Variants in FAM171A1 observed in about 807,000 individuals in gnomAD.
FAM171A1 encodes family with sequence similarity 171 member A1.
FAM171A1 carries 23 observed loss-of-function variants against 74.9 expected under a neutral mutation model. The ratio of observed to expected loss-of-function variants is 0.31; its 90% confidence interval spans 0.22 to 0.44. The LOEUF (loss-of-function observed/expected upper bound fraction) is 0.44, where lower values mean the gene tolerates loss of function less well. Among genes scored for constraint, FAM171A1 ranks in the 20% least tolerant of loss-of-function variants. The pLI is 1.00. For synonymous variants in FAM171A1, 527 were observed against 505.7 expected (o/e 1.04, Z -0.57); for missense variants, 1,162 against 1,159.2 (o/e 1.00, Z -0.03).
intron 1 of FAM171A1, among the ~76,000 whole-genome samples, chr10:15,336,892 T>G (rs1564283636): frequency 7.0e-6 from 1 of 142,514 alleles, no homozygotes; most frequent in African/African-American, 2.5e-5. Flanking sequence ...GTACCATGAA[T>G]TTTCTTTCTT....
chr10:15,349,414 A>G (rs1047317561), intron 1 of FAM171A1, among the ~76,000 whole-genome samples: 8 of 152,216 alleles, frequency 5.3e-5, no homozygotes, highest in African/African-American at 1.9e-4. Flanking sequence ...GAATCGATGA[A>G]TATCACTTAA....
At chr10:15,232,830 T>TC (rs1834224930) in intron 5 of FAM171A1, among the ~76,000 whole-genome samples, 1 of 152,188 alleles carries the variant, frequency 6.6e-6, no homozygotes, top group Admixed American at 6.5e-5. Context: ...CCCTAGGATG[T>TC]CCCATGAGTG....
chr10:15,228,059 C>T (rs946027810), intron 5 of FAM171A1, among the ~76,000 whole-genome samples: 11 of 152,096 alleles, frequency 7.2e-5, no homozygotes, highest in African/African-American at 2.7e-4. Context: ...GAAAAGAACT[C>T]TAAAGTATGA....
chr10:15,325,168 T>A (rs1835536400), intron 1 of FAM171A1, among the ~76,000 whole-genome samples: 1 of 152,242 alleles, frequency 6.6e-6, no homozygotes, highest in South Asian at 2.1e-4. Context: ...AATTTCCAGC[T>A]GTTCCAGCTG....
chr10:15,371,860 T>C (rs1836154299), upstream of FAM171A1, among the ~76,000 whole-genome samples: 1 of 152,152 alleles, frequency 6.6e-6, no homozygotes, highest in Non-Finnish European at 1.5e-5. Context: ...TTTGGAACCA[T>C]CGCAATAGGT....
chr10:15,291,423 C>G (rs1207980075), intron 1 of FAM171A1, among the ~76,000 whole-genome samples: 1 of 152,170 alleles, frequency 6.6e-6, no homozygotes, highest in Non-Finnish European at 1.5e-5. Context: ...CTTGGTAACA[C>G]TAGGCTCATT....
At chr10:15,234,273 C>A (rs1420107586) in intron 5 of FAM171A1, among the ~76,000 whole-genome samples, 1 of 152,058 alleles carries the variant, frequency 6.6e-6, no homozygotes, top group East Asian at 1.9e-4. Context: ...ACGAAAGAAA[C>A]AAGAAACAAA....
At chr10:15,319,515 C>A (rs1010016830) in intron 1 of FAM171A1, among the ~76,000 whole-genome samples, 1 of 152,162 alleles carries the variant, frequency 6.6e-6, no homozygotes, top group Non-Finnish European at 1.5e-5. Context: ...TCACTGCAAC[C>A]TCCACATCCC....
intron 3 of FAM171A1, among the ~76,000 whole-genome samples, chr10:15,260,162 G>A (rs1834637031): frequency 6.6e-6 from 1 of 152,048 alleles, no homozygotes; most frequent in Admixed American, 6.6e-5. Flanking sequence ...CTCCATGTCT[G>A]AAACTTCTTC....
At chr10:15,290,024 T>C (rs958051242) in intron 1 of FAM171A1, among the ~76,000 whole-genome samples, 1 of 152,156 alleles carries the variant, frequency 6.6e-6, no homozygotes, top group East Asian at 1.9e-4. Flanking sequence ...GGTCAGGAGT[T>C]TGAGACCAGT....
At chr10:15,229,799 C>CAGGCGTTTCCAG (rs1564616889) in intron 5 of FAM171A1, among the ~76,000 whole-genome samples, 2 of 18,180 alleles carry the variant, frequency 1.1e-4, no homozygotes, top group African/African-American at 6.6e-4. Flanking sequence ...CCATCACCAT[C>CAGGCGTTTCCAG]ATCACCATCA....
At chr10:15,229,132 CAT>C (rs1358941367) in intron 5 of FAM171A1, among the ~76,000 whole-genome samples, 1 of 152,188 alleles carries the variant, frequency 6.6e-6, no homozygotes, top group Non-Finnish European at 1.5e-5. Context: ...CACTGTGAAA[CAT>C]AGCCATTTCT....
intron 1 of FAM171A1, among the ~76,000 whole-genome samples, chr10:15,357,876 A>C (rs1835951971): frequency 6.6e-6 from 1 of 152,220 alleles, no homozygotes; most frequent in African/African-American, 2.4e-5. Context: ...CATTTTCATG[A>C]GATAAACTGG....
chr10:15,216,031 A>C lies in FAM171A1; in HGVS notation c.951T>G (p.Leu317=). The C allele has an allele frequency of 1.2e-6, 2 of 1,610,628 alleles. No individual in the cohort carries two copies. Among genetic ancestry groups the C allele is most frequent in the East Asian group, 4.5e-5 (2 of 44,840 alleles). ...ATAAAAGGAGACACAGCAAAACCAAAAGTATGAAAGCCATTCCTCCTAAAA... is the reference window on the plus strand; with the variant it reads ...ATAAAAGGAGACACAGCAAAACCAACAGTATGAAAGCCATTCCTCCTAAAA... ...LAILGGMAFI[L]LVLLCLLLYY... Residue 317 remains leucine (L), a synonymous_variant, in exon 7 of 8, where the codon CTT becomes CTG. Coordinates refer to ENST00000378116, the MANE Select transcript of FAM171A1 (RefSeq NM_001010924.2).
chr10:15,250,239 T>TG (rs1834490566), intron 4 of FAM171A1, among the ~76,000 whole-genome samples: 2 of 152,340 alleles, frequency 1.3e-5, no homozygotes, highest in South Asian at 4.1e-4. Flanking sequence ...AGATCGAAGT[T>TG]GGAATCACAG....
intron 5 of FAM171A1, among the ~76,000 whole-genome samples, chr10:15,231,170 C>T (rs1178984573): frequency 6.6e-6 from 1 of 152,102 alleles, no homozygotes; most frequent in Non-Finnish European, 1.5e-5. Context: ...GGTTCTGATC[C>T]AGAGGTCTGG....
At chr10:15,240,965 G>A (rs1219999891) in intron 5 of FAM171A1, among the ~76,000 whole-genome samples, 2 of 152,066 alleles carry the variant, frequency 1.3e-5, no homozygotes, top group African/African-American at 4.8e-5. Flanking sequence ...GATCTCCTGA[G>A]CCCAGGAGTT....
intron 1 of FAM171A1, among the ~76,000 whole-genome samples, chr10:15,325,833 C>T (rs775003859): frequency 6.6e-6 from 1 of 152,120 alleles, no homozygotes; most frequent in Admixed American, 6.6e-5. Context: ...TGTTTCACTC[C>T]GACCTGGGTG....
chr10:15,215,773 C>A lies in FAM171A1; in HGVS notation c.986+223G>T, dbSNP rs552517175. Among the ~76,000 whole-genome samples the A allele has an allele frequency of 3.9e-5, 6 of 152,208 alleles. No homozygotes were observed. In the East Asian group the frequency reaches 9.6e-4, roughly 24 times the overall value. On this transcript the variant is annotated intron_variant, in intron 7 of 7. Coordinates refer to ENST00000378116, the MANE Select transcript of FAM171A1 (RefSeq NM_001010924.2). The stretch of plus-strand genomic sequence containing the variant: ...TATTGTTAAACTCTTTTTCATAACT[C>A]CCCTTCTAAGCAATGTTATCCACGC...
Sources: gnomAD v4.1 joint callset for allele counts (sites outside exome capture counted in the v4.1 genomes callset) on GRCh38, gnomAD v4.1.1 for gene constraint, MANE v1.5 for transcripts, NCBI Gene and HGNC (gene_info 2026-07-23, HGNC 2026-07-21) for gene names.